Variants in EPHA6 observed in about 807,000 individuals in gnomAD.
EPHA6 encodes the protein EPH receptor A6, also known as ephrin type-A receptor 6.
A neutral mutation model predicts 112.0 loss-of-function variants in EPHA6; 50 were observed. That is an observed-to-expected ratio of 0.45 (90% CI 0.36 to 0.56). The LOEUF is 0.56. EPHA6 is among the 20% of genes least tolerant of loss of function. The pLI is 0.00. For missense variants in EPHA6, 1,280 were observed against 1,417.4 expected (o/e 0.90, Z 1.56); for synonymous variants, 529 against 490.7 (o/e 1.08, Z -1.03).
intron 10 of EPHA6, among the ~76,000 whole-genome samples, chr3:97,491,837 CAGTGTTTCA>C (rs1197527364): frequency 6.6e-6 from 1 of 151,924 alleles, no homozygotes; most frequent in African/African-American, 2.4e-5. Context: ...TGTTTGTAGG[CAGTGTTTCA>C]AGCAGAGAGC....
In EPHA6 at chr3:96,987,948, T is replaced by C; in HGVS notation, c.1069T>C (p.Cys357Arg). ...AGATTGGCTGGTTCCTCTTGGAAGGTGCATCTGCAGTACAGGATATGAAGA... is the reference window on the plus strand; with the variant it reads ...AGATTGGCTGGTTCCTCTTGGAAGGCGCATCTGCAGTACAGGATATGAAGA... ...DGDWLVPLGR[C>R]ICSTGYEEIE... Residue 357 changes from cysteine (C) to arginine (R), a missense_variant, in exon 3 of 18, where the codon TGC becomes CGC. Around this residue, in one of 4 missense-constraint regions of EPHA6, gnomAD observed 878 missense variants for 999.7 expected, o/e 0.88. Coordinates refer to ENST00000389672, the MANE Select transcript of EPHA6 (RefSeq NM_001080448.3). 1.2e-6 allele frequency: 2 copies of C among 1,613,430 alleles called. No homozygotes were observed. The highest frequency in any genetic ancestry group is 1.7e-6 in the Non-Finnish European group (2 of 1,179,560).
At chr3:97,503,543 C>T (rs1323436168) in intron 10 of EPHA6, among the ~76,000 whole-genome samples, 1 of 152,152 alleles carries the variant, frequency 6.6e-6, no homozygotes, top group Non-Finnish European at 1.5e-5. Context: ...TGGAAAATAA[C>T]TGGTACTAAA....
chr3:97,042,572 A>T (rs1254064042), intron 3 of EPHA6, among the ~76,000 whole-genome samples: 1 of 152,096 alleles, frequency 6.6e-6, no homozygotes, highest in Non-Finnish European at 1.5e-5. Flanking sequence ...CCTATTGCTA[A>T]TATTTGTTAC....
chr3:97,196,835 A>ATC (rs2077455480), intron 3 of EPHA6, among the ~76,000 whole-genome samples: 2 of 151,754 alleles, frequency 1.3e-5, no homozygotes, highest in Admixed American at 6.6e-5. Flanking sequence ...AACAAATGGA[A>ATC]TCTCTCTCTT....
chr3:97,466,082 A>G (rs1373861151), intron 7 of EPHA6, among the ~76,000 whole-genome samples: 1 of 151,894 alleles, frequency 6.6e-6, no homozygotes, highest in Non-Finnish European at 1.5e-5. Context: ...TCCATCTATT[A>G]AAGAAAAATA....
At chr3:97,618,944 G>A (rs2093789504) in intron 13 of EPHA6, among the ~76,000 whole-genome samples, 1 of 151,900 alleles carries the variant, frequency 6.6e-6, no homozygotes, top group African/African-American at 2.4e-5. Context: ...ACCAAAACCT[G>A]GCAGCAATAC....
chr3:97,282,193 A>G (rs2080309512), intron 5 of EPHA6, among the ~76,000 whole-genome samples: 1 of 152,198 alleles, frequency 6.6e-6, no homozygotes, highest in Non-Finnish European at 1.5e-5. Flanking sequence ...GATGTCAGAT[A>G]AATATAAGTA....
intron 3 of EPHA6, among the ~76,000 whole-genome samples, chr3:97,193,957 A>T (rs775719310): frequency 1.5e-4 from 23 of 152,024 alleles, no homozygotes; most frequent in Non-Finnish European, 2.8e-4. Context: ...ATTTCAAAAT[A>T]TTGGACCATC....
At chr3:97,641,499 CG>C (rs1041028719) in intron 14 of EPHA6, among the ~76,000 whole-genome samples, 17 of 152,136 alleles carry the variant, frequency 1.1e-4, no homozygotes, top group Middle Eastern at 3.2e-3. Context: ...ACGCAGAAGA[CG>C]GGTGATTTCT....
intron 2 of EPHA6, among the ~76,000 whole-genome samples, chr3:96,927,664 A>G (rs1576061562): frequency 6.6e-6 from 1 of 152,264 alleles, no homozygotes; most frequent in East Asian, 1.9e-4. Flanking sequence ...TTCATTGTCC[A>G]TGTCATTATC....
intron 10 of EPHA6, among the ~76,000 whole-genome samples, chr3:97,510,138 C>T (rs1331493340): frequency 2.0e-5 from 3 of 152,174 alleles, no homozygotes; most frequent in Non-Finnish European, 4.4e-5. Flanking sequence ...AGAACATGCT[C>T]CTTTAGCTCA....
chr3:96,988,570 A>C (rs570737960), intron 3 of EPHA6, among the ~76,000 whole-genome samples: 3 of 152,190 alleles, frequency 2.0e-5, no homozygotes, highest in Non-Finnish European at 4.4e-5. Context: ...ATTATATTTA[A>C]ATAAATGAGG....
At chr3:97,621,207 A>G (rs2093811498) in intron 13 of EPHA6, among the ~76,000 whole-genome samples, 1 of 152,134 alleles carries the variant, frequency 6.6e-6, no homozygotes, top group East Asian at 1.9e-4. Flanking sequence ...GTGAGAACTA[A>G]ATGATGAGAA....
At chr3:97,249,144 C>T (rs1005148023) in intron 5 of EPHA6, among the ~76,000 whole-genome samples, 2 of 151,686 alleles carry the variant, frequency 1.3e-5, no homozygotes, top group Non-Finnish European at 2.9e-5. Context: ...TTAAAACAGG[C>T]AATAACCCTG....
Position 97,487,629 on chromosome 3 carries a change from T to C in EPHA6, c.2200+3570T>C, listed in dbSNP as rs79703976. ...TGTACATATATTCTTAACATTCTCC[T>C]TCTTTCCCTATAAATTTCACTGGTT... On this transcript the variant is annotated intron_variant, in intron 10 of 17. Coordinates refer to ENST00000389672, the MANE Select transcript of EPHA6 (RefSeq NM_001080448.3). Among the ~76,000 whole-genome samples, 17 of 152,330 alleles carry C rather than the reference T, an allele frequency of 1.1e-4. No homozygotes were observed. In the East Asian group the frequency reaches 3.3e-3, roughly 29 times the overall value.
intron 14 of EPHA6, among the ~76,000 whole-genome samples, chr3:97,653,223 C>G (rs2094118283): frequency 1.3e-5 from 2 of 151,948 alleles, no homozygotes; most frequent in South Asian, 2.1e-4. Flanking sequence ...TGAAAAACAA[C>G]CTACAGAATG....
intron 5 of EPHA6, among the ~76,000 whole-genome samples, chr3:97,360,189 G>T (rs1269286219): frequency 6.6e-6 from 1 of 152,178 alleles, no homozygotes; most frequent in African/African-American, 2.4e-5. Context: ...GCCTGCCACA[G>T]AGCTGAGAGT....
intron 2 of EPHA6, among the ~76,000 whole-genome samples, chr3:96,886,275 T>C (rs563858628): frequency 6.6e-6 from 1 of 152,340 alleles, no homozygotes; most frequent in Non-Finnish European, 1.5e-5. Context: ...AGTGGAGTAT[T>C]GAAGTCTCCC....
In EPHA6 at chr3:96,815,139, C is replaced by T. The variant is rs555596612; in HGVS notation, c.385+131C>T. ...CTCCTGGCTCGCCACACGAGGGGAT[C>T]GAGGATGTCCCCTTACCCTAGCGCC... is the stretch of plus-strand genomic sequence containing the variant. On this transcript the variant is annotated intron_variant, in intron 1 of 17. Coordinates refer to ENST00000389672, the MANE Select transcript of EPHA6 (RefSeq NM_001080448.3). The T allele has an allele frequency of 5.0e-4, 430 of 863,378 alleles. 5 individuals carry two copies. In the South Asian group the frequency reaches 9.1e-3, roughly 18 times the overall value. 53.5% of individuals were successfully genotyped at this position (863,378 alleles called of 1,614,324 possible).
Sources: allele counts gnomAD v4.1 joint callset (sites outside exome capture counted in the v4.1 genomes callset), GRCh38; gene constraint gnomAD v4.1.1; regional missense constraint gnomAD v4.1.1; transcripts MANE v1.5; gene names NCBI Gene and HGNC (gene_info 2026-07-23, HGNC 2026-07-21).